Variants in CYTH3 observed in about 807,000 individuals in gnomAD.
The protein encoded by CYTH3 is cytohesin-3.
A neutral mutation model predicts 55.1 loss-of-function variants in CYTH3; 23 were observed. The ratio of observed to expected loss-of-function variants is 0.42; its 90% CI spans 0.30 to 0.59. CYTH3 has a LOEUF of 0.59. CYTH3 is among the 20% of genes least tolerant of loss of function. The pLI is 0.20. For synonymous variants in CYTH3, 249 were observed against 194.9 expected (o/e 1.28, Z -2.31); for missense variants, 413 against 524.8 (o/e 0.79, Z 2.08).
chr7:6,213,836 G>T (rs1784372579), intron 1 of CYTH3, among the ~76,000 whole-genome samples: 1 of 152,008 alleles, frequency 6.6e-6, no homozygotes, highest in Non-Finnish European at 1.5e-5. Flanking sequence ...CCAGAAGACA[G>T]CCCATTCTGT....
chr7:6,173,810 T>C lies in CYTH3; in HGVS notation c.369-77A>G, dbSNP rs1014368512. On this transcript the variant is annotated intron_variant, in intron 5 of 12. Coordinates refer to ENST00000350796, the MANE Select transcript of CYTH3 (RefSeq NM_004227.4). ...TTTAAAAGATGCGGCTGATGAATAA[T>C]GTGGCTATGAACGTTCATGCACAAG... The C allele has an allele frequency of 1.1e-5, 10 of 874,872 alleles. No homozygotes were observed. The African/African-American group carries it at 1.2e-4, about 10-fold the overall frequency. The allele number at this position is 874,872 out of a possible 1,614,324, so 54.2% of individuals were successfully genotyped here.
chr7:6,250,863 C>T (rs1412638164), intron 1 of CYTH3, among the ~76,000 whole-genome samples: 2 of 152,190 alleles, frequency 1.3e-5, no homozygotes, highest in East Asian at 1.9e-4. Context: ...AGAATAGGTG[C>T]TTTATTACCA....
rs535385409 is a variant in CYTH3 at position 6,197,516 on chromosome 7, C to G, written c.35-6985G>C. ...TGGCCAATATGATGAAATCCCGTCTCTACTAAAAATACAAAAATTAGCCAG... is the reference window on the plus strand; with the variant it reads ...TGGCCAATATGATGAAATCCCGTCTGTACTAAAAATACAAAAATTAGCCAG... On this transcript the variant is annotated intron_variant, in intron 1 of 12. Coordinates refer to ENST00000350796, the MANE Select transcript of CYTH3 (RefSeq NM_004227.4). Among the ~76,000 whole-genome samples, 119 of 152,246 alleles carry G rather than the reference C, an allele frequency of 7.8e-4. 1 individual carries two copies. Among genetic ancestry groups the G allele is most frequent in the South Asian group, 6.6e-3 (32 of 4,830 alleles).
intron 1 of CYTH3, among the ~76,000 whole-genome samples, chr7:6,269,703 G>C (rs1780600831): frequency 6.6e-6 from 1 of 152,082 alleles, no homozygotes; most frequent in African/African-American, 2.4e-5. Context: ...TTGTAATCTT[G>C]TGCCCCCCAC....
At chr7:6,219,284 T>C (rs1784493995) in intron 1 of CYTH3, among the ~76,000 whole-genome samples, 1 of 152,170 alleles carries the variant, frequency 6.6e-6, no homozygotes. Context: ...AATTGAGGCA[T>C]TTTCCAAGCA....
chr7:6,249,100 C>T (rs1008242560), intron 1 of CYTH3, among the ~76,000 whole-genome samples: 4 of 152,164 alleles, frequency 2.6e-5, no homozygotes, highest in Admixed American at 6.5e-5. Flanking sequence ...TTTAAAAATG[C>T]GATGAAGCTA....
intron 1 of CYTH3, among the ~76,000 whole-genome samples, chr7:6,247,025 GA>G (rs756844063): frequency 2.2e-4 from 33 of 152,260 alleles, no homozygotes; most frequent in African/African-American, 7.5e-4. Flanking sequence ...ACAGGTAGTA[GA>G]AAAAAGCTGA....
At chr7:6,242,559 T>G (rs1264745356) in intron 1 of CYTH3, among the ~76,000 whole-genome samples, 2 of 151,078 alleles carry the variant, frequency 1.3e-5, no homozygotes, top group Non-Finnish European at 2.9e-5. Context: ...GTGTTTTTAG[T>G]AGAGATGGGG....
At chr7:6,198,626 G>A (rs1052905413) in intron 1 of CYTH3, among the ~76,000 whole-genome samples, 2 of 151,968 alleles carry the variant, frequency 1.3e-5, no homozygotes, top group Admixed American at 1.3e-4. Flanking sequence ...TAGGTAAGAA[G>A]AAACAAAGGT....
At chr7:6,208,316 A>T (rs943823259) in intron 1 of CYTH3, among the ~76,000 whole-genome samples, 7 of 152,208 alleles carry the variant, frequency 4.6e-5, no homozygotes, top group African/African-American at 1.7e-4. Flanking sequence ...TTTTGGACTC[A>T]TATATAAACA....
intron 1 of CYTH3, among the ~76,000 whole-genome samples, chr7:6,196,057 C>G (rs906908972): frequency 3.3e-5 from 5 of 152,164 alleles, no homozygotes; most frequent in Non-Finnish European, 7.4e-5. Context: ...CTTTCTCGCT[C>G]TAGGCTTCCC....
chr7:6,214,274 T>C (rs1044277392), intron 1 of CYTH3, among the ~76,000 whole-genome samples: 1 of 152,218 alleles, frequency 6.6e-6, no homozygotes, highest in African/African-American at 2.4e-5. Context: ...TTCAACGTTT[T>C]TGTGTACTTG....
intron 4 of CYTH3, among the ~76,000 whole-genome samples, chr7:6,186,817 C>A (rs1381105363): frequency 6.6e-6 from 1 of 152,190 alleles, no homozygotes; most frequent in Non-Finnish European, 1.5e-5. Flanking sequence ...CTTCCTCACC[C>A]AGCAGCTCAC....
At chr7:6,196,903 C>G (rs1365166898) in intron 1 of CYTH3, among the ~76,000 whole-genome samples, 1 of 152,204 alleles carries the variant, frequency 6.6e-6, no homozygotes, top group Non-Finnish European at 1.5e-5. Context: ...TTCTGCTGAG[C>G]TCTCCTGTGC....
chr7:6,176,418 C>T (rs1361792493), intron 5 of CYTH3, among the ~76,000 whole-genome samples: 1 of 151,866 alleles, frequency 6.6e-6, no homozygotes, highest in Non-Finnish European at 1.5e-5. Context: ...CCCACCACCA[C>T]ACCCAGCCAA....
chr7:6,181,478 A>C (rs1427425781), intron 4 of CYTH3, among the ~76,000 whole-genome samples: 1 of 152,122 alleles, frequency 6.6e-6, no homozygotes, highest in African/African-American at 2.4e-5. Flanking sequence ...AGCATCCCTG[A>C]CAAGCTTGCT....
rs552487948 is a variant in CYTH3, at chr7:6,165,767, G to A, written c.867C>T (p.Thr289=). 9.2e-5 allele frequency: 148 copies of A among 1,614,084 alleles called. No homozygotes were observed. The highest frequency in any genetic ancestry group is 1.1e-4 in the Non-Finnish European group (134 of 1,179,986). The part of the protein sequence containing the change: ...KTWKRRWFIL[T]DNCLYYFEYT... ...ATTCAAAGTAATAGAGGCAGTTATC[G>A]GTCAGGATGAACCACCGGCGCTTCC... The change falls in exon 10 of 13, where the codon ACC becomes ACT. Residue 289 remains threonine, a synonymous_variant. Transcript: ENST00000350796.
intron 5 of CYTH3, among the ~76,000 whole-genome samples, chr7:6,175,403 C>G (rs1027437293): frequency 7.2e-5 from 11 of 152,180 alleles, no homozygotes; most frequent in East Asian, 1.9e-4. Context: ...TTCTTCCCCC[C>G]ACTGAAATTG....
chr7:6,170,527 C>T lies in CYTH3; in HGVS notation c.823+8G>A, dbSNP rs752317884. The T allele has an allele frequency of 1.2e-6, 2 of 1,612,730 alleles. No individual in the cohort carries two copies. Among genetic ancestry groups the T allele is most frequent in the Non-Finnish European group, 1.7e-6 (2 of 1,179,168 alleles). On this transcript the variant is annotated splice_region_variant and intron_variant, in intron 9 of 12. Coordinates refer to ENST00000350796, the MANE Select transcript of CYTH3 (RefSeq NM_004227.4). The surrounding 1 kb of genome is among the most constrained non-coding windows in gnomAD (Gnocchi z 7.8). ...TCACGCCCGGGTCCCGCTGGGCCGGCGGCTCACCCAGCTTCAGGAGCCAGC... is the reference window on the plus strand; with the variant it reads ...TCACGCCCGGGTCCCGCTGGGCCGGTGGCTCACCCAGCTTCAGGAGCCAGC...
Sources: allele counts gnomAD v4.1 joint callset (sites outside exome capture counted in the v4.1 genomes callset), GRCh38; gene constraint gnomAD v4.1.1; non-coding constraint Gnocchi (gnomAD v3.1); transcripts MANE v1.5; gene names NCBI Gene and HGNC (gene_info 2026-07-23, HGNC 2026-07-21).